Variants in CDK5 observed in about 807,000 individuals in gnomAD.
The protein encoded by CDK5 is cyclin dependent kinase 5.
CDK5 carries 18 observed loss-of-function variants against 44.6 expected under a neutral mutation model. That is an observed-to-expected ratio of 0.40 (90% CI 0.28 to 0.60). The LOEUF (loss-of-function observed/expected upper bound fraction) is 0.60, where lower values mean the gene tolerates loss of function less well. CDK5 is among the 20% of genes least tolerant of loss of function. The pLI is 0.38. For missense variants in CDK5, 198 were observed against 368.1 expected (o/e 0.54, Z 3.78); for synonymous variants, 143 against 152.8 (o/e 0.94, Z 0.47).
chr7:151,054,119 G>A lies in CDK5; in HGVS notation c.793-24C>T. 1.9e-6 allele frequency: 3 copies of A among 1,591,796 alleles called. No individual in the cohort carries two copies. Among genetic ancestry groups the A allele is most frequent in the Non-Finnish European group, 2.6e-6 (3 of 1,168,698 alleles). On this transcript the variant is annotated intron_variant, in intron 11 of 11. Coordinates refer to ENST00000485972, the MANE Select transcript of CDK5 (RefSeq NM_004935.4). This position sits in a 1 kb window ranked among gnomAD's most constrained non-coding sequence, Gnocchi z 5.7. ...TTCTGGAGATGGGGGAAAGGAGGTG[G>A]CAGGTTCAGGACAGGTCACTGCCCA... is the stretch of plus-strand genomic sequence containing the variant.
At position 151,057,555 on chromosome 7, in the gene CDK5, T is replaced by A. The variant is rs921726170; in HGVS notation, c.37+257A>T. On this transcript the variant is annotated intron_variant, in intron 1 of 11. Coordinates refer to ENST00000485972, the MANE Select transcript of CDK5 (RefSeq NM_004935.4). The surrounding 1 kb of genome is among the most constrained non-coding windows in gnomAD (Gnocchi z 5.2). ...TGTCCAAGTGCTGCTGAGGCTGGGG[T>A]GAGAAATTTCAGGAAGTGTCGCGGT... is the stretch of plus-strand genomic sequence containing the variant. 46 of 607,196 alleles carry A rather than the reference T, an allele frequency of 7.6e-5. 1 individual carries two copies. The Admixed American group carries it at 1.3e-3, about 17-fold the overall frequency. 37.6% of individuals were successfully genotyped at this position (607,196 alleles called of 1,614,324 possible).
rs1796852414 is a variant in CDK5 at position 151,054,336 on chromosome 7, G to T, written c.712-44C>A. 6.2e-7 allele frequency: 1 copy of T among 1,611,138 alleles called. No individual in the cohort carries two copies. The highest frequency in any genetic ancestry group is 8.5e-7 in the Non-Finnish European group (1 of 1,177,528). On this transcript the variant is annotated intron_variant, in intron 10 of 11. Transcript: ENST00000485972. The surrounding 1 kb of genome is among the most constrained non-coding windows in gnomAD (Gnocchi z 5.7). ...GGTCAGACTAGAGGTAGGGGGAGGGGGATGGAGGCGCTAGGAATGTGAAAC... is the reference window on the plus strand; with the variant it reads ...GGTCAGACTAGAGGTAGGGGGAGGGTGATGGAGGCGCTAGGAATGTGAAAC...
At chr7:151,055,492 G>A (rs1796876835) in intron 7 of CDK5, 40 bp downstream of exon 7, 1 of 1,588,608 alleles carries the variant, frequency 6.3e-7, no homozygotes, top group Non-Finnish European at 8.6e-7. Context: ...GGAGCTGAGG[G>A]ACTCCCTCCC....
chr7:151,056,014 T>C lies in CDK5; in HGVS notation c.313-166A>G, dbSNP rs1796886175. The C allele has an allele frequency of 6.4e-6, 4 of 620,392 alleles. No homozygotes were observed. In the South Asian group the frequency reaches 7.4e-5, roughly 12 times the overall value. The allele number at this position is 620,392 out of a possible 1,614,324, so 38.4% of individuals were successfully genotyped here. ...TCGCCATCCAGGACCTGCTTTATAC[T>C]GTGCTAGGCATTAGAGGGACCAAAG... is the stretch of plus-strand genomic sequence containing the variant. On this transcript the variant is annotated intron_variant, in intron 5 of 11. Transcript: ENST00000485972. This position sits in a 1 kb window ranked among gnomAD's most constrained non-coding sequence, Gnocchi z 4.7.
In CDK5 at chr7:151,054,073, A is replaced by G. The variant is rs867496203; in HGVS notation, c.815T>C (p.Val272Ala). 1 of 1,601,984 alleles carries G rather than the reference A, an allele frequency of 6.2e-7. No homozygotes were observed. Among genetic ancestry groups the G allele is most frequent in the African/African-American group, 1.3e-5 (1 of 74,876 alleles). ...GGCCTCTTCTGCTGAGATACGCTGG[A>G]CAGGGTTACACTTCAGAAGGTTCTG... ...LLQNLLKCNP[V>A]QRISAEEALQ... is the part of the protein sequence containing the mutation. The change falls in exon 12 of 12, where the codon GTC becomes GCC. Residue 272 changes from valine (V) to alanine (A), a missense_variant. By Grantham distance (64) the Val-to-Ala change is moderately conservative. This residue lies in a region of CDK5 where 81 missense variants were observed against 102.1 expected (regional missense o/e 0.79). Coordinates refer to ENST00000485972, the MANE Select transcript of CDK5 (RefSeq NM_004935.4). This position sits in a 1 kb window ranked among gnomAD's most constrained non-coding sequence, Gnocchi z 5.7.
rs1796859048 is a variant in CDK5 at position 151,054,648 on chromosome 7, C to CCACG, written c.651-187_651-184dup. Among the ~76,000 whole-genome samples, 3 of 152,314 alleles carry CCACG rather than the reference C, an allele frequency of 2.0e-5. No individual in the cohort carries two copies. In the South Asian group the frequency reaches 6.2e-4, roughly 32 times the overall value. ...CCAGGCAGGTCACTCGCATATCCAG[C>CCACG]CACGTTTCCCATGACAATCACCTAA... is the stretch of plus-strand genomic sequence containing the variant. On this transcript the variant is annotated intron_variant, in intron 9 of 11. Coordinates refer to ENST00000485972, the MANE Select transcript of CDK5 (RefSeq NM_004935.4). The surrounding 1 kb of genome is among the most constrained non-coding windows in gnomAD (Gnocchi z 5.7).
In CDK5 at chr7:151,056,462, T is replaced by A; in HGVS notation, c.312+118A>T. 2.3e-6 allele frequency: 2 copies of A among 863,716 alleles called. No individual in the cohort carries two copies. Among genetic ancestry groups the A allele is most frequent in the Non-Finnish European group, 3.8e-6 (2 of 531,960 alleles). 53.5% of individuals were successfully genotyped at this position (863,716 alleles called of 1,614,324 possible). On this transcript the variant is annotated intron_variant, in intron 5 of 11. Coordinates refer to ENST00000485972, the MANE Select transcript of CDK5 (RefSeq NM_004935.4). The surrounding 1 kb of genome is among the most constrained non-coding windows in gnomAD (Gnocchi z 4.7). ...GGAGGACAGAAACAGGGTTTTCTCATTCTCTAACACCCTAGAGTGTCCCTG... is the reference window on the plus strand; with the variant it reads ...GGAGGACAGAAACAGGGTTTTCTCAATCTCTAACACCCTAGAGTGTCCCTG...
Position 151,056,741 on chromosome 7 carries a change from C to A in CDK5, c.250G>T (p.Asp84Tyr). The A allele has an allele frequency of 6.2e-7, 1 of 1,613,030 alleles. No homozygotes were observed. Among genetic ancestry groups the A allele is most frequent in the South Asian group, 1.1e-5 (1 of 90,858 alleles). Residue 84 changes from aspartate to tyrosine, a missense_variant, in exon 4 of 12, where the codon GAC becomes TAC. By Grantham distance (160) the Asp-to-Tyr change is radical. Around this residue, in one of 4 missense-constraint regions of CDK5, gnomAD observed 53 missense variants for 122.7 expected, o/e 0.43. Transcript: ENST00000485972. The surrounding 1 kb of genome is among the most constrained non-coding windows in gnomAD (Gnocchi z 4.7). ...KKLTLVFEFC[D>Y]QDLKKYFDSC... ...CTCCAAACCCCGCCTTTCACCTGGT[C>A]ACAGAATTCAAAAACCAAAGTCAGC...
chr7:151,054,900 G>T lies in CDK5; in HGVS notation c.650+127C>A. The T allele has an allele frequency of 1.1e-6, 1 of 871,168 alleles. No homozygotes were observed. Among genetic ancestry groups the T allele is most frequent in the Non-Finnish European group, 1.9e-6 (1 of 534,052 alleles). 54.0% of individuals were successfully genotyped at this position (871,168 alleles called of 1,614,324 possible). A position where few individuals can be genotyped will look rare whatever the true frequency, so the allele number is the denominator to read the frequency against. On this transcript the variant is annotated intron_variant, in intron 9 of 11. Coordinates refer to ENST00000485972, the MANE Select transcript of CDK5 (RefSeq NM_004935.4). This position sits in a 1 kb window ranked among gnomAD's most constrained non-coding sequence, Gnocchi z 5.7. The stretch of plus-strand genomic sequence containing the variant: ...TCCAGCACCCCTGCTCTCTCCCCTT[G>T]CCCTCAGGAGAAGCCCTACAGACCC...
Position 151,054,951 on chromosome 7 carries a change from G to A in CDK5, c.650+76C>T. Reference sequence around the variant, plus strand: ...CATCACCCTACCCCACACCATCACTGCCCTCACCCATTGTGCTCAAAACTC... The same window carrying A: ...CATCACCCTACCCCACACCATCACTACCCTCACCCATTGTGCTCAAAACTC... On this transcript the variant is annotated intron_variant, in intron 9 of 11. Coordinates refer to ENST00000485972, the MANE Select transcript of CDK5 (RefSeq NM_004935.4). This position sits in a 1 kb window ranked among gnomAD's most constrained non-coding sequence, Gnocchi z 5.7. 2.8e-6 allele frequency: 4 copies of A among 1,420,646 alleles called. No individual in the cohort carries two copies. The highest frequency in any genetic ancestry group is 3.0e-6 in the Non-Finnish European group (3 of 1,009,376). The allele number at this position is 1,420,646 out of a possible 1,614,324, so 88.0% of individuals were successfully genotyped here.
chr7:151,054,070 T>C lies in CDK5; in HGVS notation c.818A>G (p.Gln273Arg), dbSNP rs1421609000. ...LQNLLKCNPV[Q>R]RISAEEALQH... ...CAGGGCCTCTTCTGCTGAGATACGC[T>C]GGACAGGGTTACACTTCAGAAGGTT... The change falls in exon 12 of 12, where the codon CAG becomes CGG. Residue 273 changes from glutamine to arginine, a missense_variant. Coordinates refer to ENST00000485972, the MANE Select transcript of CDK5 (RefSeq NM_004935.4). This position sits in a 1 kb window ranked among gnomAD's most constrained non-coding sequence, Gnocchi z 5.7. 24 of 1,602,392 alleles carry C rather than the reference T, an allele frequency of 1.5e-5. No individual in the cohort carries two copies. Among genetic ancestry groups the C allele is most frequent in the East Asian group, 2.3e-5 (1 of 44,382 alleles).
At position 151,056,881 on chromosome 7, in the gene CDK5, G is replaced by T; in HGVS notation, c.194+27C>A. 1 of 1,597,216 alleles carries T rather than the reference G, an allele frequency of 6.3e-7. No individual in the cohort carries two copies. Among genetic ancestry groups the T allele is most frequent in the Non-Finnish European group, 8.5e-7 (1 of 1,172,258 alleles). ...CCCGCCTCCCCCAAGCGGCCACACC[G>T]GCAAGGAGCACCCGCCTCCCGCACA... On this transcript the variant is annotated intron_variant, in intron 3 of 11. Coordinates refer to ENST00000485972, the MANE Select transcript of CDK5 (RefSeq NM_004935.4). The surrounding 1 kb of genome is among the most constrained non-coding windows in gnomAD (Gnocchi z 4.7).
At chr7:151,055,248 G>T (rs1796873260) in intron 8 of CDK5, 29 bp downstream of exon 8, 1 of 1,595,410 alleles carries the variant, frequency 6.3e-7, no homozygotes, top group Non-Finnish European at 8.6e-7. Flanking sequence ...TGGGAAAGAA[G>T]GTGCCTCTGC....
rs1484464634 is a variant in CDK5, at chr7:151,057,086, C to G, written c.112G>C (p.Asp38His). 1 of 1,613,862 alleles carries G rather than the reference C, an allele frequency of 6.2e-7. No homozygotes were observed. The change falls in exon 2 of 12, where the codon GAT becomes CAT. Residue 38 changes from aspartate to histidine, a missense_variant. By Grantham distance (81) the Asp-to-His change is moderately conservative. Coordinates refer to ENST00000485972, the MANE Select transcript of CDK5 (RefSeq NM_004935.4). The surrounding 1 kb of genome is among the most constrained non-coding windows in gnomAD (Gnocchi z 5.2). Reference protein sequence around the residue: ...EIVALKRVRLDDDDEGVPSSA... With the variant: ...EIVALKRVRLHDDDEGVPSSA... The stretch of plus-strand genomic sequence containing the variant: ...CCCAGTCCTACCTCATCATCGTCAT[C>G]CAGCCTCACCCGTTTCAGAGCCACG...
At position 151,054,129 on chromosome 7, in the gene CDK5, G is replaced by A. The variant is rs565598389; in HGVS notation, c.793-34C>T. On this transcript the variant is annotated intron_variant, in intron 11 of 11. Coordinates refer to ENST00000485972, the MANE Select transcript of CDK5 (RefSeq NM_004935.4). The surrounding 1 kb of genome is among the most constrained non-coding windows in gnomAD (Gnocchi z 5.7). ...GGGGGAAAGGAGGTGGCAGGTTCAG[G>A]ACAGGTCACTGCCCAGAGCCCTGCC... 3 of 1,590,436 alleles carry A rather than the reference G, an allele frequency of 1.9e-6. No homozygotes were observed. Among genetic ancestry groups the A allele is most frequent in the Middle Eastern group, 3.3e-4 (2 of 6,038 alleles).
chr7:151,057,701 T>C lies in CDK5; in HGVS notation c.37+111A>G. ...GCTAGGGGGCCAGGGCTGCAGCCGC[T>C]GCTGAGATCGGAGCCTGTAGGCATT... On this transcript the variant is annotated intron_variant, in intron 1 of 11. Transcript: ENST00000485972. The surrounding 1 kb of genome is among the most constrained non-coding windows in gnomAD (Gnocchi z 5.2). 8.3e-7 allele frequency: 1 copy of C among 1,198,300 alleles called. No homozygotes were observed. Among genetic ancestry groups the C allele is most frequent in the South Asian group, 1.3e-5 (1 of 77,326 alleles). 74.2% of individuals were successfully genotyped at this position (1,198,300 alleles called of 1,614,324 possible).
At position 151,055,262 on chromosome 7, in the gene CDK5, AC is replaced by A; in HGVS notation, c.580+14del. 1.9e-6 allele frequency: 3 copies of A among 1,607,634 alleles called. No individual in the cohort carries two copies. Among genetic ancestry groups the A allele is most frequent in the East Asian group, 4.5e-5 (2 of 44,828 alleles). On this transcript the variant is annotated intron_variant, in intron 8 of 11. Transcript: ENST00000485972. ...ATGGGAAAGAAGGTGCCTCTGCAAC[AC>A]CCCAGCACATCACCTGCAAAGATGC...
chr7:151,057,017 C>A lies in CDK5; in HGVS notation c.127-42G>T. The stretch of plus-strand genomic sequence containing the variant: ...GCCGGTGGGCAGCAGTCAGATCCCA[C>A]CCAGCCCAGGCCCTCAAACCCCTCC... On this transcript the variant is annotated intron_variant, in intron 2 of 11. Transcript: ENST00000485972. The surrounding 1 kb of genome is among the most constrained non-coding windows in gnomAD (Gnocchi z 5.2). 6.2e-7 allele frequency: 1 copy of A among 1,612,798 alleles called. No homozygotes were observed. The highest frequency in any genetic ancestry group is 8.5e-7 in the Non-Finnish European group (1 of 1,178,936).
rs1366257896 is a variant in CDK5, at chr7:151,054,738, G to T, written c.651-273C>A. ...GCCCTGCTCCCACAAAATGTGTCCT[G>T]TTCTCTTTGGCTCCTTCATCCTGGC... On this transcript the variant is annotated intron_variant, in intron 9 of 11. Coordinates refer to ENST00000485972, the MANE Select transcript of CDK5 (RefSeq NM_004935.4). This position sits in a 1 kb window ranked among gnomAD's most constrained non-coding sequence, Gnocchi z 5.7. 6.6e-6 allele frequency among the ~76,000 whole-genome samples: 1 copy of T among 152,134 alleles called. No individual in the cohort carries two copies. Among genetic ancestry groups the T allele is most frequent in the South Asian group, 2.1e-4 (1 of 4,820 alleles).
Sources: gnomAD v4.1 joint callset for allele counts (sites outside exome capture counted in the v4.1 genomes callset) on GRCh38, gnomAD v4.1.1 for gene constraint, gnomAD v4.1.1 regional missense constraint, Gnocchi (gnomAD v3.1) non-coding constraint, MANE v1.5 for transcripts, NCBI Gene and HGNC (gene_info 2026-07-23, HGNC 2026-07-21) for gene names.